The following PRAG1 variants were observed in gnomAD, a reference collection of about 807,000 sequenced individuals.
PRAG1 encodes the protein inactive tyrosine-protein kinase PRAG1.
A neutral mutation model predicts 95.6 loss-of-function variants in PRAG1; 110 were observed. That is an observed-to-expected ratio of 1.15 (90% CI 0.99 to 1.35). PRAG1 has a LOEUF of 1.35. PRAG1 is among the 40% of genes most tolerant of loss of function. The pLI is 0.00. For synonymous variants in PRAG1, 1,052 were observed against 819.4 expected, an observed-to-expected ratio of 1.28 and a Z score of -4.85; for missense variants, 2,554 against 1,864.7, an observed-to-expected ratio of 1.37 and a Z score of -6.81.
intron 4 of PRAG1, among the ~76,000 whole-genome samples, chr8:8,328,682 C>T (rs1798727812): frequency 6.6e-6 from 1 of 152,186 alleles, no homozygotes; most frequent in Non-Finnish European, 1.5e-5. Context: ...TACCCTGTCC[C>T]TCATACTCAG....
chr8:8,319,387 T>C, intron 5 of PRAG1, 85 bp from the exon 6 acceptor site: 3 of 1,176,838 alleles, frequency 2.5e-6, no homozygotes, highest in Non-Finnish European at 3.5e-6. Context: ...AGTATCTACG[T>C]GCAATAAGCC....
rs1444999069 is a variant in PRAG1 at position 8,318,374 on chromosome 8, C to T, written c.4001G>A (p.Arg1334His). The T allele has an allele frequency of 6.8e-6, 11 of 1,613,444 alleles. No individual in the cohort carries two copies. Among genetic ancestry groups the T allele is most frequent in the African/African-American group, 1.3e-5 (1 of 75,066 alleles). ...GGTGCCCGGCTGCTGCACCAGCTCG[C>T]GCCGAGGCCCCCACAGCAGGCACTG... Reference protein sequence around the residue: ...VLQCLLWGPRRELVQQPGTSE... With the variant: ...VLQCLLWGPRHELVQQPGTSE... The change falls in exon 6 of 6, where the codon CGC becomes CAC. Residue 1334 changes from arginine to histidine, a missense_variant. Arg to His is a conservative substitution (Grantham distance 29). Coordinates refer to ENST00000615670, the MANE Select transcript of PRAG1 (RefSeq NM_001080826.3). The surrounding 1 kb of genome is among the most constrained non-coding windows in gnomAD (Gnocchi z 4.2).
At chr8:8,382,429 G>C (rs1348466518) in intron 1 of PRAG1, among the ~76,000 whole-genome samples, 1 of 152,190 alleles carries the variant, frequency 6.6e-6, no homozygotes, top group Non-Finnish European at 1.5e-5. Context: ...CTGTCCTCTA[G>C]ACCTTATGCA....
At chr8:8,323,343 G>C (rs1798531475) in intron 5 of PRAG1, among the ~76,000 whole-genome samples, 1 of 139,196 alleles carries the variant, frequency 7.2e-6, no homozygotes, top group East Asian at 2.2e-4. Flanking sequence ...TTTTGAGATA[G>C]AGTCTTGCTC....
chr8:8,319,193 C>T lies in PRAG1; in HGVS notation c.3182G>A (p.Ser1061Asn). Residue 1061 changes from serine (S) to asparagine (N), a missense_variant, in exon 6 of 6, where the codon AGC becomes AAC. Transcript: ENST00000615670. ...GGGCGCGTCGGGGGAGCTGAGCATG[C>T]TGGACGGCACCGAGGCGACGAAGTG... ...CGHFVASVPSSMLSSPDAPKD... is the reference protein window; with the variant it reads ...CGHFVASVPSNMLSSPDAPKD... The T allele has an allele frequency of 6.3e-7, 1 of 1,597,680 alleles. No homozygotes were observed. Among genetic ancestry groups the T allele is most frequent in the Non-Finnish European group, 8.5e-7 (1 of 1,169,854 alleles).
At chr8:8,348,199 G>A (rs890152790) in intron 3 of PRAG1, among the ~76,000 whole-genome samples, 1 of 152,166 alleles carries the variant, frequency 6.6e-6, no homozygotes, top group African/African-American at 2.4e-5. Flanking sequence ...TTATAGGCAT[G>A]AGCCACCACA....
At chr8:8,319,773 AC>A (rs1798416582) in intron 5 of PRAG1, among the ~76,000 whole-genome samples, 1 of 152,248 alleles carries the variant, frequency 6.6e-6, no homozygotes, top group Non-Finnish European at 1.5e-5. Context: ...AAACAAAAAA[AC>A]GTGGGCAAGA....
chr8:8,351,228 G>A (rs943394285), intron 3 of PRAG1, among the ~76,000 whole-genome samples: 10 of 152,050 alleles, frequency 6.6e-5, no homozygotes, highest in African/African-American at 1.2e-4. Flanking sequence ...GGCAAGAGTA[G>A]GAGGAAGAGA....
chr8:8,340,129 G>A (rs549497061), intron 3 of PRAG1, among the ~76,000 whole-genome samples: 4 of 152,170 alleles, frequency 2.6e-5, no homozygotes, highest in Admixed American at 1.3e-4. Context: ...GCTTCAAAGG[G>A]TCTAGATTGT....
chr8:8,327,474 G>A (rs946727721), intron 5 of PRAG1, among the ~76,000 whole-genome samples: 4 of 152,318 alleles, frequency 2.6e-5, no homozygotes, highest in Admixed American at 6.5e-5. Flanking sequence ...GGAGGATGAG[G>A]CAGGAGAATC....
At chr8:8,361,303 T>C (rs778028366) in intron 3 of PRAG1, among the ~76,000 whole-genome samples, 2 of 152,194 alleles carry the variant, frequency 1.3e-5, no homozygotes, top group Non-Finnish European at 2.9e-5. Flanking sequence ...TAAGGAAGGA[T>C]ATTTAGAATG....
chr8:8,364,743 C>A (rs1799949290), intron 3 of PRAG1, among the ~76,000 whole-genome samples: 2 of 151,886 alleles, frequency 1.3e-5, no homozygotes, highest in South Asian at 4.2e-4. Flanking sequence ...CTTTTCCTAC[C>A]AATGTATGGT....
chr8:8,341,621 C>T (rs1187079647), intron 3 of PRAG1, among the ~76,000 whole-genome samples: 1 of 152,182 alleles, frequency 6.6e-6, no homozygotes, highest in Non-Finnish European at 1.5e-5. Context: ...TCATGTTTCT[C>T]CTTTACTCTG....
At chr8:8,371,349 C>T (rs1348278111) in intron 3 of PRAG1, among the ~76,000 whole-genome samples, 1 of 151,732 alleles carries the variant, frequency 6.6e-6, no homozygotes, top group Non-Finnish European at 1.5e-5. Flanking sequence ...CAAGCTCCGC[C>T]TCCCGGGTTC....
intron 3 of PRAG1, among the ~76,000 whole-genome samples, chr8:8,354,059 A>G (rs1799610894): frequency 6.6e-6 from 1 of 152,138 alleles, no homozygotes. Flanking sequence ...TAAGAAAATA[A>G]GGAAAGAAGA....
intron 2 of PRAG1, among the ~76,000 whole-genome samples, chr8:8,379,436 A>G (rs1337616305): frequency 6.6e-6 from 1 of 152,124 alleles, no homozygotes; most frequent in East Asian, 1.9e-4. Context: ...CTGAGCTTAA[A>G]GAGTCCCTGG....
intron 5 of PRAG1, among the ~76,000 whole-genome samples, chr8:8,321,972 T>C (rs1798483696): frequency 6.6e-6 from 1 of 152,192 alleles, no homozygotes. Flanking sequence ...TATGCTTCTG[T>C]TTAGAGATAC....
intron 1 of PRAG1, among the ~76,000 whole-genome samples, chr8:8,383,289 G>C (rs1466260971): frequency 1.3e-5 from 2 of 152,212 alleles, no homozygotes. Flanking sequence ...AATGGGTTGA[G>C]GCCAGGCGCG....
chr8:8,334,162 G>A (rs1014966497), intron 4 of PRAG1, among the ~76,000 whole-genome samples: 3 of 152,226 alleles, frequency 2.0e-5, no homozygotes, highest in African/African-American at 7.2e-5. Flanking sequence ...AAGCAAAGCA[G>A]GCCGGGCTCA....
Sources: allele counts gnomAD v4.1 joint callset (sites outside exome capture counted in the v4.1 genomes callset), GRCh38; gene constraint gnomAD v4.1.1; non-coding constraint Gnocchi (gnomAD v3.1); transcripts MANE v1.5; gene names NCBI Gene and HGNC (gene_info 2026-07-23, HGNC 2026-07-21).